CACNA1C: variants seen among roughly 807,000 people sequenced by gnomAD.
The protein encoded by CACNA1C is voltage-dependent L-type calcium channel subunit alpha-1C.
Under a neutral mutation model 229.0 loss-of-function variants are expected in CACNA1C, and 30 were observed. The ratio of observed to expected loss-of-function variants is 0.13; its 90% CI spans 0.10 to 0.18. CACNA1C has a LOEUF of 0.18. CACNA1C is among the 10% of genes least tolerant of loss of function. CACNA1C has a pLI of 1.00. For missense variants in CACNA1C, 1,658 were observed against 2,845.0 expected (o/e 0.58, Z 9.49); for synonymous variants, 1,114 against 1,132.5 (o/e 0.98, Z 0.33).
intron 9 of CACNA1C, among the ~76,000 whole-genome samples, chr12:2,524,085 G>C (rs1180298918): frequency 6.6e-6 from 1 of 152,282 alleles, no homozygotes; most frequent in Middle Eastern, 3.4e-3. Context: ...CCATCGTCGG[G>C]TGCATGGCAT....
intron 3 of CACNA1C, among the ~76,000 whole-genome samples, chr12:2,422,522 G>A (rs891365138): frequency 3.3e-5 from 5 of 152,130 alleles, no homozygotes; most frequent in African/African-American, 1.2e-4. Context: ...TATCTTGGAT[G>A]CCTTGGGAGG....
At chr12:2,491,623 AGAG>A (rs977586792) in intron 6 of CACNA1C, among the ~76,000 whole-genome samples, 10 of 148,130 alleles carry the variant, frequency 6.8e-5, no homozygotes, top group African/African-American at 2.0e-4. Context: ...GAAAGAGAGG[AGAG>A]GAGAAGAAGG....
Position 2,691,297 on chromosome 12 carries a change from C to T in CACNA1C, c.*98C>T, listed in dbSNP as rs998946050. 4.1e-6 allele frequency: 5 copies of T among 1,212,746 alleles called. No homozygotes were observed. The highest frequency in any genetic ancestry group is 1.5e-5 in the African/African-American group (1 of 64,808). 75.1% of individuals were successfully genotyped at this position (1,212,746 alleles called of 1,614,324 possible). On this transcript the variant is annotated 3_prime_UTR_variant, in exon 47 of 47. Transcript: ENST00000399655. ...ACTGTTCTCGTGACCTGGAGTTAACCGGAACAGCGTCTTCATTCATTTCTG... is the reference window on the plus strand; with the variant it reads ...ACTGTTCTCGTGACCTGGAGTTAACTGGAACAGCGTCTTCATTCATTTCTG...
chr12:2,278,546 G>A (rs1053675516), intron 3 of CACNA1C, among the ~76,000 whole-genome samples: 1 of 152,032 alleles, frequency 6.6e-6, no homozygotes, highest in Non-Finnish European at 1.5e-5. Context: ...TAATTATTTT[G>A]AGGTTTACAC....
chr12:2,642,788 G>A (rs796466545), intron 30 of CACNA1C, among the ~76,000 whole-genome samples: 1 of 152,200 alleles, frequency 6.6e-6, no homozygotes, highest in Non-Finnish European at 1.5e-5. Flanking sequence ...TGTTGGTGGA[G>A]GTTGGTTGGT....
chr12:2,329,002 A>G (rs2096446127), intron 3 of CACNA1C, among the ~76,000 whole-genome samples: 1 of 152,102 alleles, frequency 6.6e-6, no homozygotes, highest in Non-Finnish European at 1.5e-5. Context: ...TACCTCTCGG[A>G]TTGATTTTTT....
chr12:2,682,894 GACACACACA>G (rs2097242481), intron 43 of CACNA1C, among the ~76,000 whole-genome samples: 1 of 432 alleles, frequency 2.3e-3, no homozygotes, highest in African/African-American at 6.8e-3. Flanking sequence ...CACACACACA[GACACACACA>G]ACACACACAT....
chr12:2,371,508 C>T (rs1297416952), intron 3 of CACNA1C, among the ~76,000 whole-genome samples: 4 of 152,104 alleles, frequency 2.6e-5, no homozygotes, highest in Non-Finnish European at 5.9e-5. Flanking sequence ...TTTCTGATTC[C>T]GCAGGTCTCA....
At chr12:1,987,047 T>C (rs576933208) in intron 1 of CACNA1C, among the ~76,000 whole-genome samples, 10 of 152,148 alleles carry the variant, frequency 6.6e-5, no homozygotes, top group Non-Finnish European at 1.5e-4. Flanking sequence ...ACTCCAGAAT[T>C]AAGAAACATG....
At chr12:2,386,523 G>C (rs2098394051) in intron 3 of CACNA1C, among the ~76,000 whole-genome samples, 1 of 152,110 alleles carries the variant, frequency 6.6e-6, no homozygotes, top group South Asian at 2.1e-4. Context: ...TCTTCTGCCT[G>C]GAATGCCTGT....
At position 2,677,455 on chromosome 12, in the gene CACNA1C, G is replaced by A. The variant is rs2096880864; in HGVS notation, c.4956+234G>A. 3 of 617,224 alleles carry A rather than the reference G, an allele frequency of 4.9e-6. No homozygotes were observed. The highest frequency in any genetic ancestry group is 8.6e-4 in the Middle Eastern group (2 of 2,320). The allele number at this position is 617,224 out of a possible 1,614,324, so 38.2% of individuals were successfully genotyped here. A position where few individuals can be genotyped will look rare whatever the true frequency, so the allele number is the denominator to read the frequency against. On this transcript the variant is annotated intron_variant, in intron 40 of 46. Coordinates refer to ENST00000399655, the MANE Select transcript of CACNA1C (RefSeq NM_000719.7). This position sits in a 1 kb window ranked among gnomAD's most constrained non-coding sequence, Gnocchi z 7.4. ...GTTCTGCCTGCTGTCATAGCCCCCA[G>A]ATCTCTCAAATACTTCACTGAGGCT... is the stretch of plus-strand genomic sequence containing the variant.
At chr12:2,389,137 G>C (rs146904403) in intron 3 of CACNA1C, among the ~76,000 whole-genome samples, 3 of 152,264 alleles carry the variant, frequency 2.0e-5, no homozygotes, top group African/African-American at 7.2e-5. Flanking sequence ...GGAAAGTGTG[G>C]AGTCATGGAA....
rs766612344 is a variant in CACNA1C at position 2,097,355 on chromosome 12, C to T, written c.50-17869C>T. 1.2e-3 allele frequency among the ~76,000 whole-genome samples: 184 copies of T among 152,106 alleles called. 1 individual carries two copies. Among genetic ancestry groups the T allele is most frequent in the Non-Finnish European group, 2.1e-3 (140 of 67,968 alleles). On this transcript the variant is annotated intron_variant, in intron 1 of 46. Transcript: ENST00000399655. ...TAGAGACGGGGTTTCACCATGTTAGCCAGGATAGTCTCGATCTCCTGACCT... is the reference window on the plus strand; with the variant it reads ...TAGAGACGGGGTTTCACCATGTTAGTCAGGATAGTCTCGATCTCCTGACCT...
At chr12:2,383,287 G>A (rs2098297210) in intron 3 of CACNA1C, among the ~76,000 whole-genome samples, 1 of 152,218 alleles carries the variant, frequency 6.6e-6, no homozygotes, top group South Asian at 2.1e-4. Context: ...GACTAAAGCG[G>A]GTTGTCTCGT....
At chr12:2,380,295 A>G (rs1028874665) in intron 3 of CACNA1C, among the ~76,000 whole-genome samples, 4 of 152,130 alleles carry the variant, frequency 2.6e-5, no homozygotes. Context: ...TTGCATGGCT[A>G]TTTTTGGACT....
In CACNA1C at chr12:2,157,455, G is replaced by A. The variant is rs1309176742; in HGVS notation, c.477+37025G>A. Among the ~76,000 whole-genome samples, 4 of 152,232 alleles carry A rather than the reference G, an allele frequency of 2.6e-5. No individual in the cohort carries two copies. In the East Asian group the frequency reaches 5.8e-4, roughly 22 times the overall value. On this transcript the variant is annotated intron_variant, in intron 3 of 46. Transcript: ENST00000399655. ...CAATGGAGGGCAGCACGCCCGGGGC[G>A]AATACAGGGCTGAGACTTCTGGAGT...
At chr12:2,220,400 T>C (rs1189085377) in intron 3 of CACNA1C, 1 of 152,344 alleles carries the variant, frequency 6.6e-6, no homozygotes, top group Non-Finnish European at 1.5e-5. Context: ...GTACAAGCAT[T>C]ACCTCTGCCC....
In CACNA1C at chr12:2,649,743, A is replaced by G. The variant is rs537211531; in HGVS notation, c.3945+1236A>G. ...AGATCCAGATGCCCCTGTGGCACCA[A>G]CTTCTCAAACTCTTGACACTTGCAG... On this transcript the variant is annotated intron_variant, in intron 31 of 46. Coordinates refer to ENST00000399655, the MANE Select transcript of CACNA1C (RefSeq NM_000719.7). The surrounding 1 kb of genome is among the most constrained non-coding windows in gnomAD (Gnocchi z 4.4). Among the ~76,000 whole-genome samples the G allele has an allele frequency of 6.6e-6, 1 of 151,616 alleles. No homozygotes were observed. Among genetic ancestry groups the G allele is most frequent in the East Asian group, 1.9e-4 (1 of 5,170 alleles).
At chr12:2,531,838 C>G (rs2099841685) in intron 9 of CACNA1C, among the ~76,000 whole-genome samples, 1 of 152,182 alleles carries the variant, frequency 6.6e-6, no homozygotes, top group Non-Finnish European at 1.5e-5. Flanking sequence ...TCCTTCTCTC[C>G]CGTCATCCCC....
Sources: allele counts gnomAD v4.1 joint callset (sites outside exome capture counted in the v4.1 genomes callset), GRCh38; gene constraint gnomAD v4.1.1; non-coding constraint Gnocchi (gnomAD v3.1); transcripts MANE v1.5; gene names NCBI Gene and HGNC (gene_info 2026-07-23, HGNC 2026-07-21).